PGAP4: variants seen among roughly 807,000 people sequenced by gnomAD.
PGAP4 encodes the protein GPI-N-acetylgalactosamine transferase PGAP4.
In PGAP4, 12 loss-of-function variants were observed where a neutral mutation model predicts 28.2. The ratio of observed to expected loss-of-function variants is 0.42; its 90% CI spans 0.27 to 0.69. The LOEUF (loss-of-function observed/expected upper bound fraction) is 0.69, where lower values mean the gene tolerates loss of function less well. Among genes scored for constraint, PGAP4 ranks in the 30% least tolerant of loss-of-function variants. PGAP4 has a pLI of 0.22. For missense variants in PGAP4, 425 were observed against 513.5 expected, an observed-to-expected ratio of 0.83 and a Z score of 1.67; for synonymous variants, 205 against 211.8, an observed-to-expected ratio of 0.97 and a Z score of 0.28.
At chr9:101,521,971 C>G (rs1355987503) in intron 2 of PGAP4, among the ~76,000 whole-genome samples, 1 of 152,012 alleles carries the variant, frequency 6.6e-6, no homozygotes, top group Non-Finnish European at 1.5e-5. Context: ...ATTTTTGACC[C>G]AATGCTCATT....
intron 2 of PGAP4, among the ~76,000 whole-genome samples, chr9:101,512,120 T>G (rs1305458593): frequency 6.6e-6 from 1 of 152,116 alleles, no homozygotes; most frequent in Non-Finnish European, 1.5e-5. Flanking sequence ...AAGCAGGGGT[T>G]TGTTAAATAA....
chr9:101,531,865 T>C (rs1318974883), intron 1 of PGAP4, among the ~76,000 whole-genome samples: 1 of 152,200 alleles, frequency 6.6e-6, no homozygotes, highest in African/African-American at 2.4e-5. Flanking sequence ...AACACACAAG[T>C]GATGATACTC....
intron 1 of PGAP4, among the ~76,000 whole-genome samples, chr9:101,482,054 G>T (rs908658413): frequency 6.6e-6 from 1 of 152,052 alleles, no homozygotes; most frequent in Non-Finnish European, 1.5e-5. Flanking sequence ...AAAAGATCTA[G>T]GTCCAATTCT....
intron 2 of PGAP4, among the ~76,000 whole-genome samples, chr9:101,530,226 ACTG>A (rs1564103766): frequency 6.6e-6 from 1 of 152,260 alleles, no homozygotes. Flanking sequence ...ACAGGACATG[ACTG>A]ATGCGCAGTA....
chr9:101,523,624 T>A (rs1346664899), intron 2 of PGAP4, among the ~76,000 whole-genome samples: 5 of 48,264 alleles, frequency 1.0e-4, no homozygotes, highest in Admixed American at 2.0e-4. Flanking sequence ...TGTATCTTTT[T>A]TTTTTTTTTT....
chr9:101,479,179 C>T (rs1315393647), intron 1 of PGAP4, among the ~76,000 whole-genome samples: 2 of 152,222 alleles, frequency 1.3e-5, no homozygotes, highest in East Asian at 3.9e-4. Flanking sequence ...CTGCTCTGCT[C>T]AGCGCAATGG....
chr9:101,522,228 C>T (rs1414705431), intron 2 of PGAP4, among the ~76,000 whole-genome samples: 10 of 151,984 alleles, frequency 6.6e-5, no homozygotes, highest in Non-Finnish European at 1.5e-4. Flanking sequence ...CTTTTAAGTC[C>T]ATTTGTTCCT....
Position 101,476,736 on chromosome 9 carries a change from C to G in PGAP4, c.357G>C (p.Leu119=). 1 of 1,613,988 alleles carries G rather than the reference C, an allele frequency of 6.2e-7. No individual in the cohort carries two copies. The highest frequency in any genetic ancestry group is 2.2e-5 in the East Asian group (1 of 44,870). Residue 119 remains leucine, a synonymous_variant, in exon 2 of 2, where the codon CTG becomes CTC. Coordinates refer to ENST00000374848, the MANE Select transcript of PGAP4 (RefSeq NM_032342.3). This position sits in a 1 kb window ranked among gnomAD's most constrained non-coding sequence, Gnocchi z 7.0. Reference sequence around the variant, plus strand: ...GCCGGTGGAACTGGGACACAACCTGCAGGACGTAGTGGAAGCCAGGCTGCC... The same window carrying G: ...GCCGGTGGAACTGGGACACAACCTGGAGGACGTAGTGGAAGCCAGGCTGCC... The part of the protein sequence containing the change: ...VDRQPGFHYV[L]QVVSQFHRLL...
Position 101,475,556 on chromosome 9 carries a change from C to T in PGAP4, c.*325G>A. 3.4e-6 allele frequency: 1 copy of T among 290,454 alleles called. No individual in the cohort carries two copies. Among genetic ancestry groups the T allele is most frequent in the Non-Finnish European group, 6.4e-6 (1 of 155,852 alleles). 18.0% of individuals were successfully genotyped at this position (290,454 alleles called of 1,614,324 possible). ...CACTGTGCACAAAATTTTTGGCAGT[C>T]ACAAGCTCTAACACAAAGCAGAGCT... On this transcript the variant is annotated 3_prime_UTR_variant, in exon 2 of 2. Coordinates refer to ENST00000374848, the MANE Select transcript of PGAP4 (RefSeq NM_032342.3).
At chr9:101,523,024 G>A (rs534586525) in intron 2 of PGAP4, among the ~76,000 whole-genome samples, 123 of 152,258 alleles carry the variant, frequency 8.1e-4, no homozygotes, top group African/African-American at 2.9e-3. Context: ...GCTGTTAAGT[G>A]TTTTGTTTGA....
chr9:101,476,785 A>G lies in PGAP4; in HGVS notation c.308T>C (p.Val103Ala). ...VWQATPRPWL[V>A]ITIITVDRQP... ...CCTGTCCACAGTGATGATGGTGATC[A>G]CCAGCCAGGGCCGGGGGGTGGCCTG... is the stretch of plus-strand genomic sequence containing the variant. The change falls in exon 2 of 2, where the codon GTG (valine) becomes GCG (alanine). Residue 103 changes from valine to alanine, a missense_variant. Val to Ala is a moderately conservative substitution (Grantham distance 64, BLOSUM62 0). Transcript: ENST00000374848. This position sits in a 1 kb window ranked among gnomAD's most constrained non-coding sequence, Gnocchi z 7.0. 6.2e-7 allele frequency: 1 copy of G among 1,612,580 alleles called. No individual in the cohort carries two copies. The highest frequency in any genetic ancestry group is 8.5e-7 in the Non-Finnish European group (1 of 1,179,076).
intron 1 of PGAP4, among the ~76,000 whole-genome samples, chr9:101,480,321 A>G (rs1036846445): frequency 6.6e-6 from 1 of 151,928 alleles, no homozygotes; most frequent in South Asian, 2.1e-4. Flanking sequence ...TGTTGTTTGT[A>G]CTCTAGGACC....
intron 2 of PGAP4, among the ~76,000 whole-genome samples, chr9:101,495,401 T>C (rs917041098): frequency 7.4e-6 from 1 of 135,046 alleles, no homozygotes; most frequent in South Asian, 2.2e-4. Context: ...GCTTATATTT[T>C]ATATATAATA....
intron 2 of PGAP4, among the ~76,000 whole-genome samples, chr9:101,495,634 G>T (rs56682764): frequency 0.32 from 48,085 of 148,516 alleles, 7,916 homozygotes; most frequent in East Asian, 0.42. Context: ...TAAATAACAT[G>T]TATTTATTTA....
In PGAP4 at chr9:101,486,863, CT is replaced by C. The variant is rs983706623; in HGVS notation, c.-78+85del. On this transcript the variant is annotated intron_variant, in intron 1 of 1. Transcript: ENST00000374848. The surrounding 1 kb of genome is among the most constrained non-coding windows in gnomAD (Gnocchi z 4.7). ...CTGCTTGTGCCAGCTGTGGCCACCC[CT>C]AATCCTTGTCCCCTCGCTCTAGTGT... 6.5e-6 allele frequency: 1 copy of C among 152,942 alleles called. No individual in the cohort carries two copies. Among genetic ancestry groups the C allele is most frequent in the Non-Finnish European group, 1.5e-5 (1 of 68,610 alleles). 9.5% of individuals were successfully genotyped at this position (152,942 alleles called of 1,614,324 possible). A position where few individuals can be genotyped will look rare whatever the true frequency, so the allele number is the denominator to read the frequency against.
chr9:101,502,377 T>C (rs1232152670), intron 2 of PGAP4, among the ~76,000 whole-genome samples: 1 of 152,106 alleles, frequency 6.6e-6, no homozygotes, highest in African/African-American at 2.4e-5. Flanking sequence ...TTTAAATGGA[T>C]GAGTTCTCAT....
upstream of PGAP4, among the ~76,000 whole-genome samples, chr9:101,488,073 T>C (rs892106510): frequency 6.6e-6 from 1 of 152,196 alleles, no homozygotes; most frequent in Non-Finnish European, 1.5e-5. Context: ...AAATTGATAC[T>C]AGATATTAAC....
At chr9:101,499,991 A>T (rs949132735) in intron 2 of PGAP4, among the ~76,000 whole-genome samples, 2 of 151,914 alleles carry the variant, frequency 1.3e-5, no homozygotes, top group African/African-American at 2.4e-5. Flanking sequence ...TATCTAATAT[A>T]CAGCCCTTGT....
intron 2 of PGAP4, among the ~76,000 whole-genome samples, chr9:101,525,384 G>A (rs191951755): frequency 2.6e-5 from 4 of 151,998 alleles, no homozygotes; most frequent in African/African-American, 4.8e-5. Flanking sequence ...TTGGTAATAC[G>A]TTGGTTTTAA....
Sources: gnomAD v4.1 joint callset for allele counts (sites outside exome capture counted in the v4.1 genomes callset) on GRCh38, gnomAD v4.1.1 for gene constraint, Gnocchi (gnomAD v3.1) non-coding constraint, MANE v1.5 for transcripts, NCBI Gene and HGNC (gene_info 2026-07-23, HGNC 2026-07-21) for gene names.